GABRR2: variants seen among roughly 807,000 people sequenced by gnomAD.
The protein encoded by GABRR2 is gamma-aminobutyric acid type A receptor subunit rho2.
Under a neutral mutation model 47.0 loss-of-function variants are expected in GABRR2, and 36 were observed. The ratio of observed to expected loss-of-function variants is 0.77; its 90% CI spans 0.59 to 1.01. The LOEUF is 1.01. Ranked by LOEUF, GABRR2 falls within the 50% of genes least tolerant of loss-of-function variation. GABRR2 has a pLI of 0.00. For missense variants in GABRR2, 587 were observed against 594.6 expected (o/e 0.99, Z 0.13); for synonymous variants, 204 against 227.5 (o/e 0.90, Z 0.93).
intron 7 of GABRR2, among the ~76,000 whole-genome samples, chr6:89,264,919 C>G (rs1334524463): frequency 2.0e-5 from 3 of 152,064 alleles, no homozygotes; most frequent in Admixed American, 6.5e-5. Flanking sequence ...TCTGAAGGAA[C>G]GTTCTCAAAC....
intron 8 of GABRR2, among the ~76,000 whole-genome samples, chr6:89,263,063 A>G (rs140629834): frequency 1.2e-3 from 180 of 152,306 alleles, no homozygotes; most frequent in African/African-American, 4.2e-3. Flanking sequence ...TGACCCTTGA[A>G]CAACACAGGT....
intron 1 of GABRR2, among the ~76,000 whole-genome samples, chr6:89,301,243 A>G (rs1035868075): frequency 6.6e-6 from 1 of 152,114 alleles, no homozygotes; most frequent in Non-Finnish European, 1.5e-5. Flanking sequence ...TTCAATACAT[A>G]TGTGACAAAC....
intron 8 of GABRR2, among the ~76,000 whole-genome samples, chr6:89,258,720 C>CTT (rs1188851826): frequency 7.2e-6 from 1 of 138,902 alleles, no homozygotes; most frequent in African/African-American, 2.9e-5. Context: ...AACCCTGTCT[C>CTT]TTTTTTTTAA....
chr6:89,302,613 C>G, intron 1 of GABRR2: 1 of 1,226,652 alleles, frequency 8.2e-7, no homozygotes, highest in East Asian at 3.5e-5. Flanking sequence ...TTACCGGGCC[C>G]TGACCGTGCC....
intron 2 of GABRR2, among the ~76,000 whole-genome samples, chr6:89,272,814 C>A (rs917271664): frequency 2.0e-5 from 3 of 152,180 alleles, no homozygotes; most frequent in Non-Finnish European, 2.9e-5. Context: ...AGGGCTGAGA[C>A]TTTGGCCATG....
At chr6:89,261,212 T>C (rs922204597) in intron 8 of GABRR2, among the ~76,000 whole-genome samples, 8 of 152,252 alleles carry the variant, frequency 5.3e-5, no homozygotes, top group Non-Finnish European at 8.8e-5. Flanking sequence ...GAAAGTCTAA[T>C]GATTTATAAA....
chr6:89,269,706 G>T (rs114762358), intron 3 of GABRR2, among the ~76,000 whole-genome samples: 1 of 152,322 alleles, frequency 6.6e-6, no homozygotes, highest in South Asian at 2.1e-4. Context: ...ATTGTGTCTT[G>T]CCCACCATTG....
chr6:89,301,487 C>G (rs1174990528), intron 1 of GABRR2, among the ~76,000 whole-genome samples: 1 of 151,956 alleles, frequency 6.6e-6, no homozygotes, highest in Non-Finnish European at 1.5e-5. Context: ...TAGTTTTGGC[C>G]CAAAAGCTCC....
chr6:89,309,346 C>A (rs1351103419), intron 1 of GABRR2, among the ~76,000 whole-genome samples: 1 of 152,006 alleles, frequency 6.6e-6, no homozygotes, highest in African/African-American at 2.4e-5. Flanking sequence ...TCCTTTGAAC[C>A]CTGCCCTCAT....
At chr6:89,283,368 G>A (rs1239742539) in intron 2 of GABRR2, among the ~76,000 whole-genome samples, 1 of 152,080 alleles carries the variant, frequency 6.6e-6, no homozygotes. Flanking sequence ...TAGCAAAATA[G>A]TGGAAACAAT....
rs78234689 is a variant in GABRR2, at chr6:89,272,070, A to T, written c.221-348T>A. Among the ~76,000 whole-genome samples the T allele has an allele frequency of 2.2e-3, 338 of 152,338 alleles. 1 individual carries two copies. Among genetic ancestry groups the T allele is most frequent in the African/African-American group, 7.8e-3 (326 of 41,576 alleles). ...TAGTGCCTGACTGGAGACCCTGGTC[A>T]TTGGGCCTCCTGTGACATCTGAAAA... On this transcript the variant is annotated intron_variant, in intron 2 of 8. Coordinates refer to ENST00000402938, the MANE Select transcript of GABRR2 (RefSeq NM_002043.5).
chr6:89,284,996 G>T (rs1158207895), intron 2 of GABRR2, among the ~76,000 whole-genome samples: 1 of 152,194 alleles, frequency 6.6e-6, no homozygotes, highest in Non-Finnish European at 1.5e-5. Flanking sequence ...CGACTCCCCA[G>T]GCACACAGCC....
Position 89,257,906 on chromosome 6 carries a change from T to C in GABRR2, c.1162A>G (p.Ser388Gly). Residue 388 changes from serine to glycine, a missense_variant, in exon 9 of 9, where the codon AGC (serine) becomes GGC (glycine). By Grantham distance (56) the Ser-to-Gly change is moderately conservative (BLOSUM62 0). Coordinates refer to ENST00000402938, the MANE Select transcript of GABRR2 (RefSeq NM_002043.5). ...DGSYSESEAN[S>G]LAGYPRSHIL... ...TGGCTTCTGGGGTACCCAGCCAGGC[T>C]GTTGGCCTCAGACTCACTGTAGCTT... 6.2e-7 allele frequency: 1 copy of C among 1,614,044 alleles called. No individual in the cohort carries two copies. The highest frequency in any genetic ancestry group is 8.5e-7 in the Non-Finnish European group (1 of 1,179,894).
intron 2 of GABRR2, among the ~76,000 whole-genome samples, chr6:89,291,776 C>T (rs1774445948): frequency 6.6e-6 from 1 of 152,176 alleles, no homozygotes; most frequent in Non-Finnish European, 1.5e-5. Context: ...CCCCAATAGA[C>T]CATCAGCTTC....
At chr6:89,279,890 G>A (rs1439164974) in intron 2 of GABRR2, among the ~76,000 whole-genome samples, 1 of 151,756 alleles carries the variant, frequency 6.6e-6, no homozygotes, top group African/African-American at 2.4e-5. Flanking sequence ...CCATGGAAAG[G>A]TTTGACATAT....
In GABRR2 at chr6:89,265,730, G is replaced by A. The variant is rs901498818; in HGVS notation, c.772C>T (p.Arg258Cys). Residue 258 changes from arginine to cysteine, a missense_variant, in exon 7 of 9, where the codon CGT becomes TGT. Arg to Cys is a radical substitution (Grantham distance 180). Coordinates refer to ENST00000402938, the MANE Select transcript of GABRR2 (RefSeq NM_002043.5). ...AGCAAGAAGAAGAAGATGTGGCGACGCAACGTGAAGTTAATGTACAGACGG... is the reference window on the plus strand; with the variant it reads ...AGCAAGAAGAAGAAGATGTGGCGACACAACGTGAAGTTAATGTACAGACGG... ...YNRLYINFTL[R>C]RHIFFFLLQT... The A allele has an allele frequency of 5.0e-6, 8 of 1,613,958 alleles. No homozygotes were observed. In the Admixed American group the frequency reaches 5.0e-5, roughly 10 times the overall value.
chr6:89,261,650 C>G (rs1439569857), intron 8 of GABRR2, among the ~76,000 whole-genome samples: 1 of 152,152 alleles, frequency 6.6e-6, no homozygotes, highest in Non-Finnish European at 1.5e-5. Flanking sequence ...GTCACACACC[C>G]CTGCGCTTAA....
intron 1 of GABRR2, chr6:89,302,841 A>C (rs1767480728): frequency 7.3e-7 from 1 of 1,364,186 alleles, no homozygotes; most frequent in Non-Finnish European, 1.0e-6. Context: ...CCCACCCCCC[A>C]GCCTCAAGAT....
intron 2 of GABRR2, among the ~76,000 whole-genome samples, chr6:89,280,629 A>C (rs1223412164): frequency 1.3e-5 from 2 of 152,158 alleles, no homozygotes; most frequent in East Asian, 3.9e-4. Flanking sequence ...CGCTGCTGTC[A>C]TGGGTGAATG....
Sources: allele counts gnomAD v4.1 joint callset (sites outside exome capture counted in the v4.1 genomes callset), GRCh38; gene constraint gnomAD v4.1.1; transcripts MANE v1.5; gene names NCBI Gene and HGNC (gene_info 2026-07-23, HGNC 2026-07-21).